TGFB2: variants seen among roughly 807,000 people sequenced by gnomAD.
TGFB2 encodes the protein transforming growth factor beta 2.
TGFB2 carries 13 observed loss-of-function variants against 42.7 expected under a neutral mutation model. That is an observed-to-expected ratio of 0.30 (90% CI 0.20 to 0.48). The LOEUF (loss-of-function observed/expected upper bound fraction) is 0.48, where lower values mean the gene tolerates loss of function less well. Ranked by LOEUF, TGFB2 falls within the 20% of genes least tolerant of loss-of-function variation. The probability of loss-of-function intolerance (pLI) is 0.99; values close to 1 mark genes in which losing one functional copy is unlikely to be tolerated. For missense variants in TGFB2, 390 were observed against 517.5 expected, an observed-to-expected ratio of 0.75 and a Z score of 2.39; for synonymous variants, 193 against 193.6, an observed-to-expected ratio of 1.00 and a Z score of 0.03.
At chr1:218,432,482 T>G (rs780867051) in intron 2 of TGFB2, among the ~76,000 whole-genome samples, 3 of 152,278 alleles carry the variant, frequency 2.0e-5, no homozygotes, top group Admixed American at 1.3e-4. Context: ...CTATATTTAC[T>G]TAATCCAGAA....
At chr1:218,379,130 C>CTT (rs61674773) in intron 1 of TGFB2, among the ~76,000 whole-genome samples, 93 of 143,976 alleles carry the variant, frequency 6.5e-4, no homozygotes, top group African/African-American at 1.5e-3. Flanking sequence ...TTCTTTCTTT[C>CTT]TTTTTTTTTT....
chr1:218,435,194 C>T (rs1253506877), intron 4 of TGFB2, among the ~76,000 whole-genome samples: 1 of 152,178 alleles, frequency 6.6e-6, no homozygotes, highest in Non-Finnish European at 1.5e-5. Flanking sequence ...GCCCTCCTAA[C>T]ATCACCCAGG....
rs1660182763 is a variant in TGFB2 at position 218,442,364 on chromosome 1, C to G, written c.*1002C>G. 6.6e-6 allele frequency: 1 copy of G among 152,128 alleles called. No individual in the cohort carries two copies. The highest frequency in any genetic ancestry group is 1.5e-5 in the Non-Finnish European group (1 of 67,986). The allele number at this position is 152,128 out of a possible 1,614,324, so 9.4% of individuals were successfully genotyped here. The stretch of plus-strand genomic sequence containing the variant: ...GAAGCCAGCATAATTGAAAACACAT[C>G]TGCAGATCTCTTTTGCAAACTATTA... On this transcript the variant is annotated 3_prime_UTR_variant, in exon 7 of 7. Transcript: ENST00000366930.
intron 1 of TGFB2, among the ~76,000 whole-genome samples, chr1:218,383,909 G>A (rs142933113): frequency 2.3e-4 from 35 of 152,290 alleles, no homozygotes; most frequent in African/African-American, 8.2e-4. Context: ...TCGGGATCCC[G>A]AAAATAATTG....
chr1:218,430,133 G>A (rs867425432), intron 2 of TGFB2, among the ~76,000 whole-genome samples: 2 of 152,028 alleles, frequency 1.3e-5, no homozygotes, highest in South Asian at 2.1e-4. Context: ...TAAAGAGGCC[G>A]GGCGTGGTAG....
At chr1:218,394,130 C>G (rs1313433147) in intron 1 of TGFB2, among the ~76,000 whole-genome samples, 1 of 152,084 alleles carries the variant, frequency 6.6e-6, no homozygotes, top group Non-Finnish European at 1.5e-5. Context: ...AGGATGGTCT[C>G]GATCTCCTGA....
chr1:218,434,473 G>C, intron 4 of TGFB2, 25 bp downstream of exon 4: 1 of 1,430,866 alleles, frequency 7.0e-7, no homozygotes, highest in Non-Finnish European at 9.8e-7. Context: ...GTCATATGAG[G>C]TGGGGGAGGG....
chr1:218,439,506 G>C (rs1225091128), intron 6 of TGFB2, among the ~76,000 whole-genome samples: 2 of 152,154 alleles, frequency 1.3e-5, no homozygotes, highest in African/African-American at 4.8e-5. Flanking sequence ...TGTTCAGGGA[G>C]CATAAAGTAT....
At chr1:218,395,819 T>A (rs1037637717) in intron 1 of TGFB2, among the ~76,000 whole-genome samples, 7 of 152,070 alleles carry the variant, frequency 4.6e-5, no homozygotes, top group African/African-American at 1.7e-4. Context: ...TTTCACCATG[T>A]TAGCCAGGAT....
chr1:218,350,257 A>T (rs1359847410), intron 1 of TGFB2, among the ~76,000 whole-genome samples: 1 of 152,204 alleles, frequency 6.6e-6, no homozygotes, highest in Non-Finnish European at 1.5e-5. Context: ...GTAACCAATC[A>T]GCACATGTTG....
intron 2 of TGFB2, among the ~76,000 whole-genome samples, chr1:218,432,619 T>G (rs1243061818): frequency 6.6e-6 from 1 of 152,252 alleles, no homozygotes; most frequent in Non-Finnish European, 1.5e-5. Context: ...ATTTTTGTTT[T>G]ACAAGGTTTA....
At chr1:218,399,273 T>A (rs1178791156) in intron 1 of TGFB2, among the ~76,000 whole-genome samples, 1 of 152,194 alleles carries the variant, frequency 6.6e-6, no homozygotes, top group Non-Finnish European at 1.5e-5. Flanking sequence ...CTAATGATGA[T>A]CACAACTGTA....
intron 2 of TGFB2, among the ~76,000 whole-genome samples, chr1:218,420,315 A>C (rs1027637079): frequency 2.6e-5 from 4 of 152,196 alleles, no homozygotes; most frequent in Non-Finnish European, 5.9e-5. Flanking sequence ...ACCATTACGT[A>C]TTGTACTGCA....
chr1:218,402,417 G>C (rs954680282), intron 1 of TGFB2, among the ~76,000 whole-genome samples: 2 of 152,136 alleles, frequency 1.3e-5, no homozygotes, highest in African/African-American at 2.4e-5. Context: ...CCCCTTCAAA[G>C]CTCAAAAGCC....
At chr1:218,437,158 C>T (rs1558263791) in intron 5 of TGFB2, among the ~76,000 whole-genome samples, 185 bp from the exon 6 acceptor site, 1 of 152,024 alleles carries the variant, frequency 6.6e-6, no homozygotes, top group Admixed American at 6.5e-5. Flanking sequence ...CATACAACAC[C>T]CTATCATGAA....
intron 2 of TGFB2, among the ~76,000 whole-genome samples, chr1:218,423,748 A>G (rs1659531684): frequency 6.6e-6 from 1 of 152,194 alleles, no homozygotes; most frequent in African/African-American, 2.4e-5. Context: ...GAAGCCTCTG[A>G]AAGTTTTTGA....
chr1:218,361,013 C>A, intron 1 of TGFB2, among the ~76,000 whole-genome samples: 1 of 152,210 alleles, frequency 6.6e-6, no homozygotes, highest in East Asian at 1.9e-4. Flanking sequence ...TGGCACCACA[C>A]CCAGTTCATT....
At chr1:218,375,614 A>G (rs140887960) in intron 1 of TGFB2, among the ~76,000 whole-genome samples, 67 of 152,350 alleles carry the variant, frequency 4.4e-4, no homozygotes, top group African/African-American at 1.4e-3. Context: ...TGAAAACCAT[A>G]GAAAAACTAG....
At chr1:218,378,618 C>T (rs1657837077) in intron 1 of TGFB2, among the ~76,000 whole-genome samples, 1 of 152,034 alleles carries the variant, frequency 6.6e-6, no homozygotes, top group African/African-American at 2.4e-5. Flanking sequence ...CCAGCCTGTT[C>T]ATTTTGCTGT....
Sources: allele counts gnomAD v4.1 joint callset (sites outside exome capture counted in the v4.1 genomes callset), GRCh38; gene constraint gnomAD v4.1.1; transcripts MANE v1.5; gene names NCBI Gene and HGNC (gene_info 2026-07-23, HGNC 2026-07-21).